CNTNAP2: variants seen among roughly 807,000 people sequenced by gnomAD.
CNTNAP2 encodes contactin associated protein 2, also known as contactin-associated protein-like 2.
A neutral mutation model predicts 155.2 loss-of-function variants in CNTNAP2; 98 were observed. That is an observed-to-expected ratio of 0.63 (90% CI 0.54 to 0.75). The LOEUF (loss-of-function observed/expected upper bound fraction) is 0.75. CNTNAP2 is among the 30% of genes least tolerant of loss of function. CNTNAP2 has a pLI of 0.00. For missense variants in CNTNAP2, 1,727 were observed against 1,688.1 expected (o/e 1.02, Z -0.40); for synonymous variants, 651 against 631.2 (o/e 1.03, Z -0.47).
chr7:146,748,143 C>CTTTT lies in CNTNAP2; in HGVS notation c.98-26111_98-26108dup, dbSNP rs61495352. Among the ~76,000 whole-genome samples, 81 of 97,978 alleles carry CTTTT rather than the reference C, an allele frequency of 8.3e-4. 3 individuals carry two copies. The highest frequency in any genetic ancestry group is 1.7e-3 in the African/African-American group (42 of 24,222). The allele number at this position is 97,978 out of a possible 152,430, so 64.3% of individuals were successfully genotyped here. A position where few individuals can be genotyped will look rare whatever the true frequency, so the allele number is the denominator to read the frequency against. The stretch of plus-strand genomic sequence containing the variant: ...GTGGTGTTTTCTTTTCTTTTCTTTT[C>CTTTT]TTTTTTTTTTTTTTTTTTTTGAGAA... On this transcript the variant is annotated intron_variant, in intron 1 of 23. Coordinates refer to ENST00000361727, the MANE Select transcript of CNTNAP2 (RefSeq NM_014141.6).
chr7:147,384,082 G>A (rs1407418582), intron 9 of CNTNAP2, among the ~76,000 whole-genome samples: 1 of 152,248 alleles, frequency 6.6e-6, no homozygotes, highest in South Asian at 2.1e-4. Flanking sequence ...GCCATGAAAA[G>A]TACAAGTGAG....
At chr7:146,381,702 G>A (rs1795391796) in intron 1 of CNTNAP2, among the ~76,000 whole-genome samples, 1 of 152,124 alleles carries the variant, frequency 6.6e-6, no homozygotes, top group African/African-American at 2.4e-5. Flanking sequence ...AGAGAGTAAA[G>A]TACCAGAAAG....
chr7:147,338,219 A>G (rs1795697803), intron 9 of CNTNAP2, among the ~76,000 whole-genome samples: 1 of 152,162 alleles, frequency 6.6e-6, no homozygotes. Context: ...GGGAAATGCC[A>G]GGTGCTTATA....
At chr7:147,022,767 G>T (rs1307905426) in intron 3 of CNTNAP2, among the ~76,000 whole-genome samples, 1 of 151,918 alleles carries the variant, frequency 6.6e-6, no homozygotes, top group East Asian at 1.9e-4. Flanking sequence ...TATCATTCTT[G>T]TGGAATTTGC....
At chr7:147,028,857 C>T (rs546609210) in intron 3 of CNTNAP2, among the ~76,000 whole-genome samples, 190 of 151,554 alleles carry the variant, frequency 1.3e-3, no homozygotes, top group African/African-American at 4.4e-3. Context: ...GTAGCGAGAA[C>T]AGCATGACCT....
intron 1 of CNTNAP2, among the ~76,000 whole-genome samples, chr7:146,651,474 C>T (rs1311262287): frequency 6.6e-6 from 1 of 152,092 alleles, no homozygotes; most frequent in Non-Finnish European, 1.5e-5. Flanking sequence ...TAGGAACTTA[C>T]GTACTTTGTT....
At chr7:147,925,741 G>A (rs1007878342) in intron 14 of CNTNAP2, among the ~76,000 whole-genome samples, 10 of 152,186 alleles carry the variant, frequency 6.6e-5, no homozygotes, top group African/African-American at 9.6e-5. Flanking sequence ...GATTACAGGC[G>A]TGAGCCACCA....
At position 147,611,275 on chromosome 7, in the gene CNTNAP2, GA is replaced by G. The variant is rs144084815; in HGVS notation, c.1898-27830del. ...ACTGTTACAAGCAACAAGAATCAAAGAGTAACATCTCCTTGCTACACAGGTT... is the reference window on the plus strand; with the variant it reads ...ACTGTTACAAGCAACAAGAATCAAAGGTAACATCTCCTTGCTACACAGGTT... On this transcript the variant is annotated intron_variant, in intron 12 of 23. Transcript: ENST00000361727. Among the ~76,000 whole-genome samples, 56 of 152,240 alleles carry G rather than the reference GA, an allele frequency of 3.7e-4. 2 individuals are homozygous for G. In the East Asian group the frequency reaches 9.7e-3, roughly 26 times the overall value.
chr7:147,798,906 A>T (rs1797945190), intron 13 of CNTNAP2, among the ~76,000 whole-genome samples: 1 of 152,142 alleles, frequency 6.6e-6, no homozygotes, highest in Non-Finnish European at 1.5e-5. Flanking sequence ...ATGAAGTCTA[A>T]CCGTGTTTTC....
chr7:147,581,483 T>G (rs1800499016), intron 12 of CNTNAP2, among the ~76,000 whole-genome samples: 1 of 152,212 alleles, frequency 6.6e-6, no homozygotes. Flanking sequence ...TCAGGATCAC[T>G]GGAATAAGTA....
rs533595886 is a variant in CNTNAP2, at chr7:147,692,519, G to A, written c.2098+53213G>A. On this transcript the variant is annotated intron_variant, in intron 13 of 23. Coordinates refer to ENST00000361727, the MANE Select transcript of CNTNAP2 (RefSeq NM_014141.6). ...TGCTTCACATTCTTGGCAGCATTTC[G>A]TGTTGTCAGTGTTGCAGATTTTGGC... is the stretch of plus-strand genomic sequence containing the variant. Among the ~76,000 whole-genome samples the A allele has an allele frequency of 1.8e-4, 27 of 152,154 alleles. No individual in the cohort carries two copies. The South Asian group carries it at 3.5e-3, about 20-fold the overall frequency.
chr7:147,201,741 G>A lies in CNTNAP2; in HGVS notation c.1348+69232G>A, dbSNP rs372547952. The stretch of plus-strand genomic sequence containing the variant: ...GGGCAGGGTGATAGAAATCAGTGCA[G>A]GGCAAAATGTGGGTGTCCCTTTCAC... On this transcript the variant is annotated intron_variant, in intron 8 of 23. Coordinates refer to ENST00000361727, the MANE Select transcript of CNTNAP2 (RefSeq NM_014141.6). Among the ~76,000 whole-genome samples the A allele has an allele frequency of 3.9e-5, 6 of 152,250 alleles. No homozygotes were observed. The East Asian group carries it at 7.7e-4, about 20-fold the overall frequency.
intron 1 of CNTNAP2, among the ~76,000 whole-genome samples, chr7:146,384,212 G>C (rs1311725223): frequency 6.6e-6 from 1 of 152,172 alleles, no homozygotes; most frequent in Non-Finnish European, 1.5e-5. Flanking sequence ...TGAATTGTGT[G>C]CTCCTCTTCC....
intron 10 of CNTNAP2, among the ~76,000 whole-genome samples, chr7:147,458,151 T>G (rs1439418262): frequency 6.6e-6 from 1 of 152,070 alleles, no homozygotes; most frequent in East Asian, 1.9e-4. Context: ...CATAAGCATT[T>G]CAGGTTACTA....
At chr7:146,702,990 G>T (rs1358116515) in intron 1 of CNTNAP2, among the ~76,000 whole-genome samples, 1 of 152,072 alleles carries the variant, frequency 6.6e-6, no homozygotes, top group Non-Finnish European at 1.5e-5. Flanking sequence ...CTTTTTACGT[G>T]AGACAAATCC....
intron 2 of CNTNAP2, among the ~76,000 whole-genome samples, chr7:146,824,861 T>TG (rs1374889724): frequency 1.0e-4 from 2 of 19,198 alleles, no homozygotes; most frequent in Non-Finnish European, 1.5e-4. Flanking sequence ...ATTTTGGACC[T>TG]GTTTTTTTTT....
intron 8 of CNTNAP2, among the ~76,000 whole-genome samples, chr7:147,182,438 T>C (rs1246382497): frequency 6.6e-6 from 1 of 152,156 alleles, no homozygotes; most frequent in East Asian, 1.9e-4. Flanking sequence ...GCACATTACT[T>C]TGAAGAGAAA....
chr7:147,439,611 T>C (rs992041666), intron 10 of CNTNAP2, among the ~76,000 whole-genome samples: 5 of 152,108 alleles, frequency 3.3e-5, no homozygotes, highest in African/African-American at 9.6e-5. Flanking sequence ...GTCTATAGTA[T>C]ATATTAAGTC....
At chr7:148,095,303 CTCAG>C (rs1803940901) in intron 15 of CNTNAP2, among the ~76,000 whole-genome samples, 1 of 152,208 alleles carries the variant, frequency 6.6e-6, no homozygotes, top group South Asian at 2.1e-4. Context: ...TCATGGAAAC[CTCAG>C]TCAGGAGCGA....
Sources: allele counts gnomAD v4.1 joint callset (sites outside exome capture counted in the v4.1 genomes callset), GRCh38; gene constraint gnomAD v4.1.1; transcripts MANE v1.5; gene names NCBI Gene and HGNC (gene_info 2026-07-23, HGNC 2026-07-21).